The following ABLIM1 variants were observed in gnomAD, a reference collection of about 807,000 sequenced individuals.
ABLIM1 encodes the protein actin binding LIM protein 1, also known as actin-binding LIM protein 1.
A neutral mutation model predicts 107.0 loss-of-function variants in ABLIM1; 40 were observed. The ratio of observed to expected loss-of-function variants is 0.37; its 90% CI spans 0.29 to 0.49. The LOEUF is 0.49. ABLIM1 is among the 20% of genes least tolerant of loss of function. The pLI, the probability that ABLIM1 is intolerant of heterozygous loss-of-function variation, is 0.97. For synonymous variants in ABLIM1, 357 were observed against 357.3 expected, an observed-to-expected ratio of 1.00 and a Z score of 0.01; for missense variants, 857 against 1,008.5, an observed-to-expected ratio of 0.85 and a Z score of 2.04.
intron 6 of ABLIM1, among the ~76,000 whole-genome samples, chr10:114,544,213 G>C (rs977662195): frequency 6.6e-6 from 1 of 152,174 alleles, no homozygotes; most frequent in Admixed American, 6.5e-5. Context: ...CTAGTTGTGG[G>C]GCTTCCTGAC....
rs1398068710 is a variant in ABLIM1, at chr10:114,633,240, GTCAA to G, written c.244+24713_244+24716del. Among the ~76,000 whole-genome samples, 2 of 152,212 alleles carry G rather than the reference GTCAA, an allele frequency of 1.3e-5. 1 individual carries two copies. The highest frequency in any genetic ancestry group is 2.9e-5 in the Non-Finnish European group (2 of 68,032). On this transcript the variant is annotated intron_variant, in intron 1 of 22. Coordinates refer to ENST00000533213, the MANE Select transcript of ABLIM1 (RefSeq NM_002313.7). ...AGCCAGGGGAACCGAAAGGAATGAA[GTCAA>G]TCAACCTGCCTCCTCTTTGACTCAG...
chr10:114,646,468 G>C (rs1164971150), intron 1 of ABLIM1, among the ~76,000 whole-genome samples: 5 of 152,210 alleles, frequency 3.3e-5, no homozygotes, highest in Non-Finnish European at 1.5e-5. Flanking sequence ...GGAGCCACAA[G>C]TGGTATAGAG....
intron 12 of ABLIM1, among the ~76,000 whole-genome samples, chr10:114,457,042 C>A (rs1350333897): frequency 6.6e-6 from 1 of 151,974 alleles, no homozygotes; most frequent in African/African-American, 2.4e-5. Flanking sequence ...AAGAGAGACC[C>A]AATAACACAC....
At chr10:114,519,289 C>T (rs1010815015) in intron 6 of ABLIM1, among the ~76,000 whole-genome samples, 1 of 152,208 alleles carries the variant, frequency 6.6e-6, no homozygotes, top group African/African-American at 2.4e-5. Context: ...ATCTGTGGAA[C>T]TTTCCTGCTA....
At chr10:114,648,079 T>C (rs987229864) in intron 1 of ABLIM1, among the ~76,000 whole-genome samples, 1 of 152,196 alleles carries the variant, frequency 6.6e-6, no homozygotes, top group African/African-American at 2.4e-5. Flanking sequence ...TATTAAGTGG[T>C]GGGAATGTAA....
chr10:114,573,518 C>G (rs998366887), intron 3 of ABLIM1, among the ~76,000 whole-genome samples: 2 of 152,208 alleles, frequency 1.3e-5, no homozygotes, highest in East Asian at 1.9e-4. Flanking sequence ...GCAATGACCT[C>G]TCAGGGTCAG....
chr10:114,756,101 T>TGC (rs748140015), intron 1 of ABLIM1, among the ~76,000 whole-genome samples: 5 of 152,118 alleles, frequency 3.3e-5, no homozygotes, highest in Admixed American at 6.6e-5. Context: ...TGTGTGTGTG[T>TGC]GTGTTCTAAA....
chr10:114,542,630 G>A (rs1388205111), intron 6 of ABLIM1, among the ~76,000 whole-genome samples: 1 of 125,758 alleles, frequency 8.0e-6, no homozygotes, highest in East Asian at 2.2e-4. Flanking sequence ...AAAGAAGAAG[G>A]AGGAGGAGAA....
intron 12 of ABLIM1, among the ~76,000 whole-genome samples, chr10:114,456,020 T>C (rs1161430356): frequency 6.6e-6 from 1 of 151,602 alleles, no homozygotes; most frequent in Admixed American, 6.6e-5. Context: ...TTCACCATGT[T>C]AGCCAGGATG....
intron 12 of ABLIM1, among the ~76,000 whole-genome samples, chr10:114,463,322 T>C (rs1040278597): frequency 2.6e-5 from 4 of 151,928 alleles, no homozygotes; most frequent in Non-Finnish European, 5.9e-5. Context: ...GGGTTAAGAG[T>C]GCACCTGCTA....
At chr10:114,658,398 T>C, upstream of ABLIM1, 4 of 1,041,006 alleles carry the variant, frequency 3.8e-6, no homozygotes, top group Non-Finnish European at 5.0e-6. Flanking sequence ...TGACTAGGTA[T>C]AAAAACAGCC....
At chr10:114,521,891 C>A (rs1014166363) in intron 6 of ABLIM1, among the ~76,000 whole-genome samples, 1 of 152,104 alleles carries the variant, frequency 6.6e-6, no homozygotes, top group Non-Finnish European at 1.5e-5. Flanking sequence ...CCATGAAGAA[C>A]CTAAAACAGA....
intron 1 of ABLIM1, among the ~76,000 whole-genome samples, chr10:114,756,225 T>A (rs1275890953): frequency 2.0e-5 from 3 of 152,176 alleles, no homozygotes; most frequent in Non-Finnish European, 4.4e-5. Context: ...ACCTTTACTA[T>A]AAATAAATCC....
chr10:114,707,805 G>A lies in ABLIM1; in HGVS notation c.-213+60256C>T, dbSNP rs2081455215. On this transcript the variant is annotated intron_variant, in intron 1 of 15. Coordinates refer to the ABLIM1 transcript ENST00000651092. This position sits in a 1 kb window ranked among gnomAD's most constrained non-coding sequence, Gnocchi z 4.1. ...CATCCCAGCTACTCGGCAGGCTGAG[G>A]CAGGAGAATCACTTGAACATGGGAG... Among the ~76,000 whole-genome samples the A allele has an allele frequency of 6.6e-6, 1 of 152,044 alleles. No homozygotes were observed.
intron 14 of ABLIM1, among the ~76,000 whole-genome samples, chr10:114,448,949 T>G (rs1289170804): frequency 6.6e-6 from 1 of 152,240 alleles, no homozygotes; most frequent in Non-Finnish European, 1.5e-5. Flanking sequence ...TAAATACATG[T>G]GTCCTTGAGT....
At chr10:114,541,868 C>T (rs2066696782) in intron 6 of ABLIM1, among the ~76,000 whole-genome samples, 1 of 152,084 alleles carries the variant, frequency 6.6e-6, no homozygotes, top group African/African-American at 2.4e-5. Flanking sequence ...TTTTCTTCCC[C>T]ACAGCTGTTG....
At chr10:114,543,152 C>T (rs986285739) in intron 6 of ABLIM1, among the ~76,000 whole-genome samples, 1 of 152,164 alleles carries the variant, frequency 6.6e-6, no homozygotes, top group African/African-American at 2.4e-5. Flanking sequence ...ATTTAAAAAA[C>T]ATCTGAGCTG....
At chr10:114,692,513 A>T (rs2081101718) in intron 1 of ABLIM1, among the ~76,000 whole-genome samples, 1 of 152,212 alleles carries the variant, frequency 6.6e-6, no homozygotes, top group Admixed American at 6.5e-5. Flanking sequence ...TTCCCCAAAA[A>T]ACCTTTCCCC....
chr10:114,505,518 C>T (rs573008699), intron 6 of ABLIM1, among the ~76,000 whole-genome samples: 2 of 152,288 alleles, frequency 1.3e-5, no homozygotes, highest in South Asian at 4.1e-4. Context: ...CCAAATAGTA[C>T]AATTAAGTGC....
Sources: gnomAD v4.1 joint callset for allele counts (sites outside exome capture counted in the v4.1 genomes callset) on GRCh38, gnomAD v4.1.1 for gene constraint, Gnocchi (gnomAD v3.1) non-coding constraint, MANE v1.5 for transcripts, NCBI Gene and HGNC (gene_info 2026-07-23, HGNC 2026-07-21) for gene names.